Variants in CCDC91 observed in about 807,000 individuals in gnomAD.
The protein encoded by CCDC91 is coiled-coil domain containing 91, also known as coiled-coil domain-containing protein 91.
In CCDC91, 48 loss-of-function variants were observed where a neutral mutation model predicts 63.2. That is an observed-to-expected ratio of 0.76 (90% CI 0.60 to 0.97). CCDC91 has a LOEUF of 0.97. Among genes scored for constraint, CCDC91 ranks in the 50% least tolerant of loss-of-function variants. The pLI is 0.00. For synonymous variants in CCDC91, 167 were observed against 165.8 expected (o/e 1.01, Z -0.06); for missense variants, 500 against 494.6 (o/e 1.01, Z -0.10).
intron 8 of CCDC91, among the ~76,000 whole-genome samples, chr12:28,443,916 A>G (rs1016719506): frequency 1.3e-5 from 2 of 152,242 alleles, no homozygotes; most frequent in African/African-American, 4.8e-5. Flanking sequence ...AACGCAAACT[A>G]TAAATTTCTA....
At chr12:28,267,852 G>A (rs973667597) in intron 3 of CCDC91, among the ~76,000 whole-genome samples, 11,887 of 27,490 alleles carry the variant, frequency 0.43, 3,223 homozygotes, top group Non-Finnish European at 0.59. Context: ...TAATTATATA[G>A]TAATATATAA....
intron 12 of CCDC91, among the ~76,000 whole-genome samples, chr12:28,503,968 G>T (rs918595015): frequency 2.6e-5 from 4 of 151,946 alleles, no homozygotes; most frequent in Non-Finnish European, 4.4e-5. Context: ...ATAGCATTCG[G>T]AGATATACCT....
At chr12:28,456,173 C>T (rs528181874) in intron 11 of CCDC91, among the ~76,000 whole-genome samples, 6 of 152,162 alleles carry the variant, frequency 3.9e-5, no homozygotes, top group South Asian at 4.2e-4. Context: ...ACATTTATGG[C>T]GCCTCTGCCA....
chr12:28,469,841 G>A (rs531950580), intron 11 of CCDC91, among the ~76,000 whole-genome samples: 2 of 152,190 alleles, frequency 1.3e-5, no homozygotes, highest in African/African-American at 4.8e-5. Flanking sequence ...CTGAGGAAAA[G>A]ACAGTCTCTT....
In CCDC91 at chr12:28,549,153, G is replaced by A; in HGVS notation, c.1306G>A (p.Glu436Lys). The A allele has an allele frequency of 6.2e-7, 1 of 1,607,150 alleles. No individual in the cohort carries two copies. Among genetic ancestry groups the A allele is most frequent in the Non-Finnish European group, 8.5e-7 (1 of 1,174,202 alleles). Residue 436 changes from glutamate (E) to lysine (K), a missense_variant, in exon 13 of 13, where the codon GAA (glutamate) becomes AAA (lysine). Coordinates refer to ENST00000536442, the MANE Select transcript of CCDC91 (RefSeq NM_018318.5). ...ACAGTTAAGTGCTTTAATAGCTACGGAACCAGTTGACATTGAATAAAAAGA... is the reference window on the plus strand; with the variant it reads ...ACAGTTAAGTGCTTTAATAGCTACGAAACCAGTTGACATTGAATAAAAAGA... ...QKQLSALIAT[E>K]PVDIE
chr12:28,318,352 A>G (rs1940122509), intron 6 of CCDC91, among the ~76,000 whole-genome samples: 1 of 151,104 alleles, frequency 6.6e-6, no homozygotes, highest in Non-Finnish European at 1.5e-5. Context: ...GTGAGACCCC[A>G]TTTCTCAAGA....
At chr12:28,304,408 A>AAAAAAG (rs1565764941) in intron 3 of CCDC91, among the ~76,000 whole-genome samples, 1 of 141,194 alleles carries the variant, frequency 7.1e-6, no homozygotes, top group Non-Finnish European at 1.6e-5. Flanking sequence ...AAAAGAAAAA[A>AAAAAAG]AAAAAAAGAA....
chr12:28,449,160 A>C (rs11049612), intron 8 of CCDC91, among the ~76,000 whole-genome samples: 31,166 of 152,022 alleles, frequency 0.21, 4,191 homozygotes, highest in Non-Finnish European at 0.3. Context: ...AGCAGGAATA[A>C]CAGATTATCT....
intron 1 of CCDC91, among the ~76,000 whole-genome samples, chr12:28,205,256 C>T (rs1942759009): frequency 6.7e-6 from 1 of 150,228 alleles, no homozygotes; most frequent in Non-Finnish European, 1.5e-5. Context: ...TTTTTTTTAA[C>T]ATGCAAGTCT....
intron 12 of CCDC91, among the ~76,000 whole-genome samples, chr12:28,493,790 C>T (rs1379512193): frequency 6.6e-6 from 1 of 151,606 alleles, no homozygotes; most frequent in Non-Finnish European, 1.5e-5. Context: ...TCATTGTCTA[C>T]AAAGAGGATG....
chr12:28,353,788 A>G (rs1414984569), intron 6 of CCDC91, among the ~76,000 whole-genome samples: 1 of 152,184 alleles, frequency 6.6e-6, no homozygotes, highest in East Asian at 1.9e-4. Context: ...ATTTTGAAAT[A>G]TTGTTACAAT....
chr12:28,316,424 CTAACTTTGGTTTA>C (rs1230949437), intron 6 of CCDC91, among the ~76,000 whole-genome samples: 3 of 151,616 alleles, frequency 2.0e-5, no homozygotes, highest in African/African-American at 7.2e-5. Flanking sequence ...CTGAGTTGTT[CTAACTTTGGTTTA>C]TGTTGTTCTT....
chr12:28,257,160 C>T lies in CCDC91; in HGVS notation c.-14-42C>T, dbSNP rs1946510452. 6 of 1,165,998 alleles carry T rather than the reference C, an allele frequency of 5.1e-6. No individual in the cohort carries two copies. In the South Asian group the frequency reaches 7.6e-5, roughly 15 times the overall value. 72.2% of individuals were successfully genotyped at this position (1,165,998 alleles called of 1,614,324 possible). A position where few individuals can be genotyped will look rare whatever the true frequency, so the allele number is the denominator to read the frequency against. ...TTGGAGAGTATTTTGACATAAATGACTGTGTGTGTGCGGGCTTGTTTCAAT... is the reference window on the plus strand; with the variant it reads ...TTGGAGAGTATTTTGACATAAATGATTGTGTGTGTGCGGGCTTGTTTCAAT... On this transcript the variant is annotated intron_variant, in intron 1 of 12. Coordinates refer to ENST00000536442, the MANE Select transcript of CCDC91 (RefSeq NM_018318.5).
intron 8 of CCDC91, among the ~76,000 whole-genome samples, chr12:28,398,655 T>C (rs1408953586): frequency 6.6e-6 from 1 of 152,218 alleles, no homozygotes; most frequent in African/African-American, 2.4e-5. Flanking sequence ...TTCTCTTTGA[T>C]CTGCTCTCTC....
At chr12:28,300,257 AG>A (rs1011024738) in intron 3 of CCDC91, among the ~76,000 whole-genome samples, 3 of 151,412 alleles carry the variant, frequency 2.0e-5, no homozygotes, top group Admixed American at 6.6e-5. Context: ...ATATGATATA[AG>A]GGTTTAATTT....
At chr12:28,195,288 A>G (rs1350027919) in intron 1 of CCDC91, among the ~76,000 whole-genome samples, 1 of 152,042 alleles carries the variant, frequency 6.6e-6, no homozygotes, top group South Asian at 2.1e-4. Flanking sequence ...CAAGTCCCCT[A>G]CCCGATTAGC....
intron 1 of CCDC91, among the ~76,000 whole-genome samples, chr12:28,204,327 G>A (rs1180258410): frequency 1.3e-5 from 2 of 152,132 alleles, no homozygotes; most frequent in Non-Finnish European, 2.9e-5. Context: ...TTAATGGTTT[G>A]CAGATGTTGT....
chr12:28,243,550 T>C (rs1945493275), intron 1 of CCDC91, among the ~76,000 whole-genome samples: 1 of 152,136 alleles, frequency 6.6e-6, no homozygotes, highest in South Asian at 2.1e-4. Context: ...TTAACATTTG[T>C]GGTTATTGGT....
chr12:28,395,494 A>G (rs1031864347), intron 8 of CCDC91, among the ~76,000 whole-genome samples: 2 of 152,210 alleles, frequency 1.3e-5, no homozygotes, highest in African/African-American at 2.4e-5. Flanking sequence ...TTCCAGTTTG[A>G]TAATTTGCTA....
Sources: gnomAD v4.1 joint callset for allele counts (sites outside exome capture counted in the v4.1 genomes callset) on GRCh38, gnomAD v4.1.1 for gene constraint, MANE v1.5 for transcripts, NCBI Gene and HGNC (gene_info 2026-07-23, HGNC 2026-07-21) for gene names.